Variants in KDM2B observed in about 807,000 individuals in gnomAD.
KDM2B encodes the protein lysine demethylase 2B, also known as lysine-specific demethylase 2B.
KDM2B carries 26 observed loss-of-function variants against 150.0 expected under a neutral mutation model. The observed-to-expected ratio is 0.17, with a 90% CI of 0.13 to 0.24. The LOEUF (loss-of-function observed/expected upper bound fraction) is 0.24, where lower values mean the gene tolerates loss of function less well. Ranked by LOEUF, KDM2B falls within the 10% of genes least tolerant of loss-of-function variation. The pLI, the probability that KDM2B is intolerant of heterozygous loss-of-function variation, is 1.00. For synonymous variants in KDM2B, 734 were observed against 729.5 expected, an observed-to-expected ratio of 1.01 and a Z score of -0.10; for missense variants, 1,265 against 1,816.9, an observed-to-expected ratio of 0.70 and a Z score of 5.52.
chr12:121,532,253 A>AG (rs1887720972), intron 8 of KDM2B, among the ~76,000 whole-genome samples: 1 of 152,142 alleles, frequency 6.6e-6, no homozygotes, highest in Non-Finnish European at 1.5e-5. Context: ...CCTGACCCCT[A>AG]GGTCATCAGC....
intron 1 of KDM2B, chr12:121,579,985 T>C: frequency 6.7e-7 from 1 of 1,491,382 alleles, no homozygotes; most frequent in Non-Finnish European, 8.9e-7. Context: ...CAGATACAGA[T>C]TTGGAAAAAA....
chr12:121,516,816 A>T, intron 9 of KDM2B: 1 of 674,658 alleles, frequency 1.5e-6, no homozygotes, highest in Non-Finnish European at 2.6e-6. Flanking sequence ...GACTTGAAAA[A>T]GTCAAAATGT....
chr12:121,474,555 C>G (rs907725431), intron 12 of KDM2B, among the ~76,000 whole-genome samples: 4 of 152,150 alleles, frequency 2.6e-5, no homozygotes, highest in African/African-American at 9.6e-5. Flanking sequence ...ATTACCTCAA[C>G]AAAAAGCATA....
At chr12:121,534,641 A>G (rs1049601223) in intron 6 of KDM2B, 51 bp from the exon 7 acceptor site, 10 of 1,397,170 alleles carry the variant, frequency 7.2e-6, no homozygotes, top group Admixed American at 3.4e-5. Flanking sequence ...CTAAATCACA[A>G]GACGTAAGCA....
At chr12:121,422,163 C>T in the KDM2B span, among the ~76,000 whole-genome samples, 1 of 152,216 alleles carries the variant, frequency 6.6e-6, no homozygotes, top group African/African-American at 2.4e-5. Context: ...TAGGATATAA[C>T]ATGGTTGTTA....
intron 4 of KDM2B, among the ~76,000 whole-genome samples, chr12:121,557,949 G>A (rs1239709769): frequency 2.0e-5 from 3 of 152,144 alleles, no homozygotes; most frequent in African/African-American, 4.8e-5. Flanking sequence ...TGGTATAAGC[G>A]GATCACGGGG....
chr12:121,410,947 G>T, the KDM2B span, among the ~76,000 whole-genome samples: 1 of 152,078 alleles, frequency 6.6e-6, no homozygotes, highest in Non-Finnish European at 1.5e-5. Flanking sequence ...TTTGTTGTTT[G>T]TTTTTGAGAC....
chr12:121,432,839 A>G (rs1322596984), intron 22 of KDM2B, among the ~76,000 whole-genome samples: 4 of 152,166 alleles, frequency 2.6e-5, no homozygotes, highest in African/African-American at 7.2e-5. Context: ...TTTCCCCTGT[A>G]ATGTTTGCCT....
In KDM2B at chr12:121,513,263, C is replaced by A; in HGVS notation, c.1174+13G>T. The A allele has an allele frequency of 6.2e-7, 1 of 1,612,138 alleles. No homozygotes were observed. The highest frequency in any genetic ancestry group is 1.1e-5 in the South Asian group (1 of 91,054). ...GTGCAGCCGAGGCCGTGGGCTCCCTCCGGTTCACTCACCAATAAGCATCGA... is the reference window on the plus strand; with the variant it reads ...GTGCAGCCGAGGCCGTGGGCTCCCTACGGTTCACTCACCAATAAGCATCGA... On this transcript the variant is annotated intron_variant, in intron 10 of 22. Transcript: ENST00000377071. This position sits in a 1 kb window ranked among gnomAD's most constrained non-coding sequence, Gnocchi z 5.0.
chr12:121,495,291 G>C (rs1555300765), intron 11 of KDM2B, among the ~76,000 whole-genome samples: 1 of 151,996 alleles, frequency 6.6e-6, no homozygotes, highest in Non-Finnish European at 1.5e-5. Flanking sequence ...CTCCCGAGTA[G>C]CTGTGAATGC....
At chr12:121,481,880 G>T (rs1458424828) in intron 12 of KDM2B, among the ~76,000 whole-genome samples, 1 of 152,106 alleles carries the variant, frequency 6.6e-6, no homozygotes, top group Non-Finnish European at 1.5e-5. Flanking sequence ...CCAGGTTCAA[G>T]CGATTTTCCT....
intron 1 of KDM2B, chr12:121,580,476 T>G: frequency 1.7e-6 from 2 of 1,177,774 alleles, no homozygotes; most frequent in East Asian, 5.1e-5. Context: ...AGTGCGCCTC[T>G]GCACGCAGGC....
chr12:121,441,264 C>T (rs544351417), intron 19 of KDM2B, 31 bp from the exon 20 acceptor site: 2 of 1,607,636 alleles, frequency 1.2e-6, no homozygotes. Flanking sequence ...GACACATCGT[C>T]AGAGGTGGGG....
intron 4 of KDM2B, among the ~76,000 whole-genome samples, chr12:121,564,240 G>A (rs1321022435): frequency 6.6e-6 from 1 of 151,994 alleles, no homozygotes. Flanking sequence ...GGTGGATCAC[G>A]AGGTCAGGAG....
chr12:121,412,758 TGTGTCACCCAGGCTGGA>T, the KDM2B span, among the ~76,000 whole-genome samples: 2 of 148,146 alleles, frequency 1.4e-5, no homozygotes, highest in Non-Finnish European at 3.0e-5. Context: ...GGAGTCTCGC[TGTGTCACCCAGGCTGGA>T]GTGCAGTGGC....
rs527302646 is a variant in KDM2B at position 121,563,302 on chromosome 12, G to A, written c.397+11245C>T. On this transcript the variant is annotated intron_variant, in intron 4 of 22. Coordinates refer to ENST00000377071, the MANE Select transcript of KDM2B (RefSeq NM_032590.5). ...TGCCTGGGCGACAGAGTGAGATGCTGTCTCAAAAAAACAAAAAAAGAAGGC... is the reference window on the plus strand; with the variant it reads ...TGCCTGGGCGACAGAGTGAGATGCTATCTCAAAAAAACAAAAAAAGAAGGC... Among the ~76,000 whole-genome samples, 174 of 151,828 alleles carry A rather than the reference G, an allele frequency of 1.1e-3. 1 individual carries two copies. The highest frequency in any genetic ancestry group is 2.0e-3 in the Admixed American group (30 of 15,224).
chr12:121,550,806 T>C (rs1339594388), intron 4 of KDM2B, among the ~76,000 whole-genome samples: 6 of 152,120 alleles, frequency 3.9e-5, no homozygotes, highest in Admixed American at 2.6e-4. Context: ...GATTTTTTTT[T>C]CCCTACAATA....
intron 12 of KDM2B, among the ~76,000 whole-genome samples, chr12:121,492,016 G>A (rs1883424188): frequency 6.6e-6 from 1 of 151,992 alleles, no homozygotes; most frequent in African/African-American, 2.4e-5. Flanking sequence ...AAACTAGCCA[G>A]GCGTGATGGC....
At chr12:121,474,320 TG>T (rs1262578505) in intron 12 of KDM2B, among the ~76,000 whole-genome samples, 4 of 151,856 alleles carry the variant, frequency 2.6e-5, no homozygotes, top group Non-Finnish European at 4.4e-5. Context: ...AAAACCATCC[TG>T]GTGAACACTG....
Sources: allele counts gnomAD v4.1 joint callset (sites outside exome capture counted in the v4.1 genomes callset), GRCh38; gene constraint gnomAD v4.1.1; non-coding constraint Gnocchi (gnomAD v3.1); transcripts MANE v1.5; gene names NCBI Gene and HGNC (gene_info 2026-07-23, HGNC 2026-07-21).